Variants in FNDC3B observed in about 807,000 individuals in gnomAD.
FNDC3B encodes fibronectin type III domain containing 3B.
Under a neutral mutation model 151.5 loss-of-function variants are expected in FNDC3B, and 12 were observed. The ratio of observed to expected loss-of-function variants is 0.08; its 90% CI spans 0.05 to 0.13. The LOEUF (loss-of-function observed/expected upper bound fraction) is 0.13, where lower values mean the gene tolerates loss of function less well. Ranked by LOEUF, FNDC3B falls within the 10% of genes least tolerant of loss-of-function variation. The pLI is 1.00. For missense variants in FNDC3B, 1,214 were observed against 1,505.3 expected (o/e 0.81, Z 3.20); for synonymous variants, 528 against 549.0 (o/e 0.96, Z 0.54).
At chr3:172,284,663 C>T (rs1024525715) in intron 6 of FNDC3B, among the ~76,000 whole-genome samples, 1 of 150,404 alleles carries the variant, frequency 6.6e-6, no homozygotes, top group Non-Finnish European at 1.5e-5. Flanking sequence ...TCCCCCTTCC[C>T]CTCCAAGTGC....
chr3:172,264,487 T>G (rs1728817561), intron 6 of FNDC3B, among the ~76,000 whole-genome samples: 1 of 152,210 alleles, frequency 6.6e-6, no homozygotes, highest in Admixed American at 6.5e-5. Context: ...TCATCTCTTT[T>G]TCTTCTATTT....
intron 3 of FNDC3B, among the ~76,000 whole-genome samples, chr3:172,209,191 G>A (rs889070959): frequency 1.3e-5 from 2 of 152,136 alleles, no homozygotes; most frequent in African/African-American, 2.4e-5. Context: ...CTTGCCTCTG[G>A]CTCCTGGGCT....
intron 3 of FNDC3B, among the ~76,000 whole-genome samples, chr3:172,166,305 G>A (rs62283838): frequency 0.023 from 3,554 of 152,276 alleles, 60 homozygotes; most frequent in South Asian, 0.058. Context: ...CTGCCACAGA[G>A]GAGGCCCTCT....
At chr3:172,172,664 A>G (rs748188374) in intron 3 of FNDC3B, among the ~76,000 whole-genome samples, 14 of 152,186 alleles carry the variant, frequency 9.2e-5, no homozygotes, top group Non-Finnish European at 1.9e-4. Context: ...ATTCTTTAAA[A>G]ACCTTACATG....
intron 2 of FNDC3B, among the ~76,000 whole-genome samples, chr3:172,118,193 A>G (rs938940119): frequency 6.6e-6 from 1 of 152,194 alleles, no homozygotes; most frequent in Non-Finnish European, 1.5e-5. Context: ...CCACCCTCAG[A>G]TGGTGCTCAT....
intron 1 of FNDC3B, among the ~76,000 whole-genome samples, chr3:172,109,164 C>CTTTTTTT (rs398052444): frequency 2.5e-5 from 3 of 120,068 alleles, no homozygotes; most frequent in African/African-American, 9.5e-5. Flanking sequence ...GCCTTGGATT[C>CTTTTTTT]TTTTTTTTTT....
At chr3:172,177,132 G>A (rs1473848606) in intron 3 of FNDC3B, among the ~76,000 whole-genome samples, 1 of 152,134 alleles carries the variant, frequency 6.6e-6, no homozygotes, top group African/African-American at 2.4e-5. Flanking sequence ...TGACTTAACA[G>A]GATTCTTTGC....
chr3:172,238,154 A>G (rs2108756741), intron 4 of FNDC3B, among the ~76,000 whole-genome samples: 1 of 152,252 alleles, frequency 6.6e-6, no homozygotes, highest in African/African-American at 2.4e-5. Context: ...AGGGTAATAT[A>G]TTCAATTCTT....
In FNDC3B at chr3:172,220,524, G is replaced by A. The variant is rs565217038; in HGVS notation, c.188-6347G>A. Among the ~76,000 whole-genome samples, 538 of 152,252 alleles carry A rather than the reference G, an allele frequency of 3.5e-3. 3 individuals carry two copies. The highest frequency in any genetic ancestry group is 0.012 in the African/African-American group (511 of 41,558). ...ATGCACAAAAGTTTCTAATTTTGAT[G>A]AAGTTCATTTTATCTGTCTTTTGTT... On this transcript the variant is annotated intron_variant, in intron 3 of 25. Coordinates refer to ENST00000415807, the MANE Select transcript of FNDC3B (RefSeq NM_022763.4).
intron 11 of FNDC3B, among the ~76,000 whole-genome samples, chr3:172,323,624 T>C (rs1013392060): frequency 2.6e-5 from 4 of 152,190 alleles, no homozygotes; most frequent in Non-Finnish European, 5.9e-5. Context: ...ATCTTGGAGA[T>C]GTTTTCAGGG....
intron 3 of FNDC3B, among the ~76,000 whole-genome samples, chr3:172,194,598 T>C (rs1724733139): frequency 6.6e-6 from 1 of 152,204 alleles, no homozygotes; most frequent in Non-Finnish European, 1.5e-5. Flanking sequence ...AATATAATTA[T>C]GACATAGATC....
At chr3:172,140,442 G>A (rs1721567880) in intron 3 of FNDC3B, among the ~76,000 whole-genome samples, 1 of 152,158 alleles carries the variant, frequency 6.6e-6, no homozygotes, top group Non-Finnish European at 1.5e-5. Context: ...GAAATGTTTG[G>A]GGGCTCTATT....
intron 6 of FNDC3B, among the ~76,000 whole-genome samples, chr3:172,277,073 T>C (rs1207277857): frequency 2.6e-5 from 4 of 152,206 alleles, no homozygotes; most frequent in Non-Finnish European, 5.9e-5. Flanking sequence ...AAAGAAATGC[T>C]GAAGTTTTGG....
At chr3:172,389,198 G>C (rs1735879392) in intron 25 of FNDC3B, among the ~76,000 whole-genome samples, 1 of 152,084 alleles carries the variant, frequency 6.6e-6, no homozygotes, top group Non-Finnish European at 1.5e-5. Context: ...TCATTTAGTT[G>C]TATAAAATAT....
chr3:172,209,904 C>G (rs1021582766), intron 3 of FNDC3B, among the ~76,000 whole-genome samples: 1 of 152,260 alleles, frequency 6.6e-6, no homozygotes, highest in African/African-American at 2.4e-5. Context: ...GGAGTCCAGG[C>G]AGCAGGGGGC....
At chr3:172,255,558 C>T (rs1728290870) in intron 6 of FNDC3B, among the ~76,000 whole-genome samples, 1 of 152,192 alleles carries the variant, frequency 6.6e-6, no homozygotes, top group Non-Finnish European at 1.5e-5. Context: ...GCGTGAGCCA[C>T]TGCGTCTGGC....
chr3:172,254,740 G>A (rs558921588), intron 6 of FNDC3B, among the ~76,000 whole-genome samples: 60 of 152,262 alleles, frequency 3.9e-4, no homozygotes, highest in Middle Eastern at 6.8e-3. Flanking sequence ...GAGGCCCATA[G>A]TACACTCTGA....
At chr3:172,263,228 C>A (rs1728744427) in intron 6 of FNDC3B, among the ~76,000 whole-genome samples, 1 of 151,784 alleles carries the variant, frequency 6.6e-6, no homozygotes, top group South Asian at 2.1e-4. Flanking sequence ...AATTTTTTTT[C>A]ATAAATGCAT....
intron 2 of FNDC3B, among the ~76,000 whole-genome samples, chr3:172,129,251 G>A (rs1428796260): frequency 6.6e-6 from 1 of 152,160 alleles, no homozygotes; most frequent in Non-Finnish European, 1.5e-5. Context: ...GGAATTACAG[G>A]CATGAGCCTC....
Sources: allele counts gnomAD v4.1 joint callset (sites outside exome capture counted in the v4.1 genomes callset), GRCh38; gene constraint gnomAD v4.1.1; transcripts MANE v1.5; gene names NCBI Gene and HGNC (gene_info 2026-07-23, HGNC 2026-07-21).